The following COL4A4 variants were observed in gnomAD, a reference collection of about 807,000 sequenced individuals.
COL4A4 encodes the protein collagen type IV alpha 4 chain.
COL4A4 carries 105 observed loss-of-function variants against 192.9 expected under a neutral mutation model. The observed-to-expected ratio is 0.54, with a 90% CI of 0.46 to 0.64. The LOEUF (loss-of-function observed/expected upper bound fraction) is 0.64. COL4A4 is among the 30% of genes least tolerant of loss of function. The probability of loss-of-function intolerance (pLI) is 0.00; values close to 1 mark genes in which losing one functional copy is unlikely to be tolerated. For synonymous variants in COL4A4, 762 were observed against 769.9 expected (o/e 0.99, Z 0.17); for missense variants, 1,967 against 2,169.3 (o/e 0.91, Z 1.85).
chr2:227,105,745 C>G (rs1180545207), intron 12 of COL4A4, among the ~76,000 whole-genome samples: 4 of 152,146 alleles, frequency 2.6e-5, no homozygotes, highest in Non-Finnish European at 4.4e-5. Flanking sequence ...TAGTTAAGAA[C>G]AGGCTATACA....
At chr2:227,025,053 GCTTTT>G (rs999274701) in intron 43 of COL4A4, among the ~76,000 whole-genome samples, 17 of 152,166 alleles carry the variant, frequency 1.1e-4, no homozygotes, top group African/African-American at 4.1e-4. Context: ...TTTTGATTTT[GCTTTT>G]CTTTACTTTT....
chr2:227,101,232 T>C (rs951225688), intron 17 of COL4A4, among the ~76,000 whole-genome samples: 3 of 152,178 alleles, frequency 2.0e-5, no homozygotes, highest in Admixed American at 6.5e-5. Flanking sequence ...ACTTGCTCCT[T>C]CTTGCCTTCT....
rs547524535 is a variant in COL4A4 at position 227,077,481 on chromosome 2, T to C, written c.1987+413A>G. Among the ~76,000 whole-genome samples, 8 of 151,770 alleles carry C rather than the reference T, an allele frequency of 5.3e-5. No homozygotes were observed. In the East Asian group the frequency reaches 1.6e-3, roughly 30 times the overall value. ...ACAGGGAGGGGAACATCACATAATA[T>C]CGAGACCTGTCAGGGGGTCAGGGGT... On this transcript the variant is annotated intron_variant, in intron 25 of 47. Coordinates refer to ENST00000396625, the MANE Select transcript of COL4A4 (RefSeq NM_000092.5).
chr2:226,975,787 A>G, the COL4A4 span, among the ~76,000 whole-genome samples: 1 of 152,214 alleles, frequency 6.6e-6, no homozygotes, highest in South Asian at 2.1e-4. Flanking sequence ...CTTAGGAACT[A>G]CAGATTATTT....
the COL4A4 span, among the ~76,000 whole-genome samples, chr2:226,985,317 G>A: frequency 6.6e-6 from 1 of 152,176 alleles, no homozygotes; most frequent in Non-Finnish European, 1.5e-5. Context: ...ATATGACATA[G>A]AAACTGCTAG....
rs56127522 is a variant in COL4A4 at position 227,011,943 on chromosome 2, T to C, written c.4333+238A>G. On this transcript the variant is annotated intron_variant, in intron 45 of 47. Transcript: ENST00000396625. Reference sequence around the variant, plus strand: ...GATGATGTATAGCAGTTTGGGAAAATACTGAATAGGATGCAGGGCCTTGTC... The same window carrying C: ...GATGATGTATAGCAGTTTGGGAAAACACTGAATAGGATGCAGGGCCTTGTC... Among the ~76,000 whole-genome samples, 5,902 of 152,244 alleles carry C rather than the reference T, an allele frequency of 0.039. 368 individuals carry two copies. Among genetic ancestry groups the C allele is most frequent in the African/African-American group, 0.13 (5,565 of 41,530 alleles).
the COL4A4 span, among the ~76,000 whole-genome samples, chr2:226,984,288 T>C: frequency 6.6e-6 from 1 of 152,216 alleles, no homozygotes; most frequent in Non-Finnish European, 1.5e-5. Flanking sequence ...AACAGAAATT[T>C]ATTTCTCACG....
chr2:227,054,955 A>T lies in COL4A4; in HGVS notation c.2717-218T>A, dbSNP rs1316434301. ...CAGGCGGGAGCCACCGCCCTTGGCT[A>T]ATTTTTGTATTTTTAGTAGAGACGG... On this transcript the variant is annotated intron_variant, in intron 30 of 47. Coordinates refer to ENST00000396625, the MANE Select transcript of COL4A4 (RefSeq NM_000092.5). Among the ~76,000 whole-genome samples, 3 of 151,800 alleles carry T rather than the reference A, an allele frequency of 2.0e-5. No individual in the cohort carries two copies. In the East Asian group the frequency reaches 5.8e-4, roughly 29 times the overall value.
At chr2:227,065,176 C>T (rs1285331144) in intron 25 of COL4A4, among the ~76,000 whole-genome samples, 1 of 152,234 alleles carries the variant, frequency 6.6e-6, no homozygotes, top group Non-Finnish European at 1.5e-5. Context: ...TGCGCTTTTC[C>T]GACGGGCTTA....
In COL4A4 at chr2:227,149,737, G is replaced by A. The variant is rs990240121; in HGVS notation, c.-101-2153C>T. The stretch of plus-strand genomic sequence containing the variant: ...TAAAATTCACATGTATTGTGATAAA[G>A]GTTGTACAGAGGAGAATTTTATTAA... On this transcript the variant is annotated intron_variant, in intron 1 of 47. Coordinates refer to ENST00000396625, the MANE Select transcript of COL4A4 (RefSeq NM_000092.5). Among the ~76,000 whole-genome samples, 9 of 152,160 alleles carry A rather than the reference G, an allele frequency of 5.9e-5. No individual in the cohort carries two copies. The South Asian group carries it at 6.2e-4, about 11-fold the overall frequency.
chr2:227,017,272 CAA>C (rs1346121656), intron 44 of COL4A4, among the ~76,000 whole-genome samples: 1 of 152,126 alleles, frequency 6.6e-6, no homozygotes, highest in African/African-American at 2.4e-5. Flanking sequence ...TAGGGTGAGG[CAA>C]AGAGAAATTG....
chr2:227,002,759 T>C lies in COL4A4; in HGVS notation c.*4566A>G, dbSNP rs1961295505. On this transcript the variant is annotated 3_prime_UTR_variant, in exon 48 of 48. Transcript: ENST00000396625. ...ATTTTATATATAATGAACCATATTA[T>C]AAATCGTAATACAACAAATATTTAA... is the stretch of plus-strand genomic sequence containing the variant. The C allele has an allele frequency of 6.5e-6, 1 of 152,686 alleles. No individual in the cohort carries two copies. The highest frequency in any genetic ancestry group is 2.4e-5 in the African/African-American group (1 of 41,468). The allele number at this position is 152,686 out of a possible 1,614,324, so 9.5% of individuals were successfully genotyped here. A position where few individuals can be genotyped will look rare whatever the true frequency, so the allele number is the denominator to read the frequency against.
chr2:227,105,998 C>T (rs2060816226), intron 12 of COL4A4, among the ~76,000 whole-genome samples: 1 of 150,524 alleles, frequency 6.6e-6, no homozygotes, highest in Admixed American at 6.6e-5. Flanking sequence ...ACTAAAACTA[C>T]TAATGCTTTT....
At chr2:227,033,576 T>G in intron 37 of COL4A4, 95 bp from the exon 38 acceptor site, 1 of 1,076,172 alleles carries the variant, frequency 9.3e-7, no homozygotes, top group Non-Finnish European at 1.4e-6. Flanking sequence ...GAGGGCGCGT[T>G]GCTGGGGCCA....
At chr2:227,008,428 C>T in intron 46 of COL4A4, 124 bp from the exon 47 acceptor site, 1 of 1,129,770 alleles carries the variant, frequency 8.9e-7, no homozygotes, top group Non-Finnish European at 1.3e-6. Flanking sequence ...TCGCCAAAGC[C>T]TGCTTCTGTG....
chr2:227,101,383 CTG>C, intron 17 of COL4A4, 119 bp downstream of exon 17: 1 of 817,956 alleles, frequency 1.2e-6, no homozygotes, highest in Non-Finnish European at 1.9e-6. Flanking sequence ...AAAAAATTAA[CTG>C]TATCTCTTCT....
chr2:227,098,909 G>T, intron 18 of COL4A4, 111 bp from the exon 19 acceptor site: 1 of 892,396 alleles, frequency 1.1e-6, no homozygotes, highest in Non-Finnish European at 1.8e-6. Flanking sequence ...AGACATTTTT[G>T]CAGTTTCTCA....
Position 227,059,290 on chromosome 2 carries a change from G to C in COL4A4, c.2383+115C>G, listed in dbSNP as rs1251628097. On this transcript the variant is annotated intron_variant, in intron 28 of 47. Coordinates refer to ENST00000396625, the MANE Select transcript of COL4A4 (RefSeq NM_000092.5). The stretch of plus-strand genomic sequence containing the variant: ...GCACCCCAAATGAGGGAAAACACTT[G>C]GGTAAACTGTTTATATTCTACATGC... The C allele has an allele frequency of 3.3e-6, 3 of 900,614 alleles. No individual in the cohort carries two copies. In the Admixed American group the frequency reaches 5.1e-5, roughly 15 times the overall value. The allele number at this position is 900,614 out of a possible 1,614,324, so 55.8% of individuals were successfully genotyped here.
chr2:226,993,061 C>T, the COL4A4 span, among the ~76,000 whole-genome samples: 1 of 152,202 alleles, frequency 6.6e-6, no homozygotes, highest in African/African-American at 2.4e-5. Flanking sequence ...CCCTGGTTCT[C>T]CTCGAATGCC....
Sources: gnomAD v4.1 joint callset for allele counts (sites outside exome capture counted in the v4.1 genomes callset) on GRCh38, gnomAD v4.1.1 for gene constraint, MANE v1.5 for transcripts, NCBI Gene and HGNC (gene_info 2026-07-23, HGNC 2026-07-21) for gene names.